Variants in GET4 observed in about 807,000 individuals in gnomAD.
GET4 encodes guided entry of tail-anchored proteins factor 4.
In GET4, 20 loss-of-function variants were observed where a neutral mutation model predicts 40.0. That is an observed-to-expected ratio of 0.50 (90% CI 0.35 to 0.73). GET4 has a LOEUF of 0.73. Among genes scored for constraint, GET4 ranks in the 30% least tolerant of loss-of-function variants. The pLI is 0.01. For missense variants in GET4, 557 were observed against 454.0 expected (o/e 1.23, Z -2.06); for synonymous variants, 280 against 194.6 (o/e 1.44, Z -3.65).
Position 876,791 on chromosome 7 carries a change from T to C in GET4, c.146T>C (p.Leu49Pro). 1 of 1,243,458 alleles carries C rather than the reference T, an allele frequency of 8.0e-7. No individual in the cohort carries two copies. The highest frequency in any genetic ancestry group is 1.0e-6 in the Non-Finnish European group (1 of 978,576). The allele number at this position is 1,243,458 out of a possible 1,614,324, so 77.0% of individuals were successfully genotyped here. A position where few individuals can be genotyped will look rare whatever the true frequency, so the allele number is the denominator to read the frequency against. The part of the protein sequence containing the change: ...YYEAHQMYRT[L>P]FFRYMSQSKH... ...GAGGCGCACCAGATGTACCGGACCCTGTTCTTCAGGTACCCGCGCCCGGCC... is the reference window on the plus strand; with the variant it reads ...GAGGCGCACCAGATGTACCGGACCCCGTTCTTCAGGTACCCGCGCCCGGCC... The change falls in exon 1 of 9, where the codon CTG becomes CCG. Residue 49 changes from leucine (L) to proline (P), a missense_variant. By Grantham distance (98) the Leu-to-Pro change is moderately conservative. Coordinates refer to ENST00000265857, the MANE Select transcript of GET4 (RefSeq NM_015949.3).
rs1036300498 is a variant in GET4, at chr7:891,786, G to T, written c.606-492G>T. Among the ~76,000 whole-genome samples the T allele has an allele frequency of 1.3e-3, 194 of 152,236 alleles. 2 individuals are homozygous for T. Among genetic ancestry groups the T allele is most frequent in the African/African-American group, 4.6e-3 (192 of 41,460 alleles). ...CGTCCGTGACTTAAGTGAAAAGCTG[G>T]GTCAAACCCAGAGCTCCCTGGCTCT... is the stretch of plus-strand genomic sequence containing the variant. On this transcript the variant is annotated intron_variant, in intron 5 of 8. Transcript: ENST00000265857.
chr7:883,568 C>T (rs1228888800), intron 1 of GET4: 7 of 983,804 alleles, frequency 7.1e-6, no homozygotes, highest in South Asian at 9.4e-5. Context: ...AGAGCACCAG[C>T]GCTCACTGGC....
chr7:884,194 G>A (rs1844142132), intron 1 of GET4: 4 of 1,302,410 alleles, frequency 3.1e-6, no homozygotes, highest in African/African-American at 1.5e-5. Context: ...TGCTTGCTCA[G>A]GGTCGGTGCA....
At chr7:892,077 C>T (rs1298358692) in intron 5 of GET4, among the ~76,000 whole-genome samples, 1 of 152,254 alleles carries the variant, frequency 6.6e-6, no homozygotes, top group Admixed American at 6.5e-5. Context: ...GCTTCATTCT[C>T]TTCACCTGTG....
chr7:886,097 T>C lies in GET4; in HGVS notation c.197T>C (p.Met66Thr), dbSNP rs761603207. Residue 66 changes from methionine (M) to threonine (T), a missense_variant, in exon 2 of 9, where the codon ATG becomes ACG. Physicochemically the swap from Met to Thr is moderately conservative, Grantham distance 81 (BLOSUM62 -1). Transcript: ENST00000265857. ...QSKHTEAREL[M>T]YSGALLFFSH... ...AAGCACACGGAGGCCCGGGAGCTCA[T>C]GTACTCGGGAGCCCTGCTCTTCTTC... is the stretch of plus-strand genomic sequence containing the variant. The C allele has an allele frequency of 1.1e-5, 17 of 1,610,318 alleles. No homozygotes were observed. The highest frequency in any genetic ancestry group is 1.4e-5 in the Non-Finnish European group (16 of 1,177,636).
At chr7:882,401 G>T (rs1009331673) in intron 1 of GET4, 3 of 152,352 alleles carry the variant, frequency 2.0e-5, no homozygotes, top group African/African-American at 7.2e-5. Context: ...TTGGATATGT[G>T]CCCCGCAGAA....
At chr7:878,083 G>C in intron 1 of GET4, 4 of 323,226 alleles carry the variant, frequency 1.2e-5, no homozygotes, top group South Asian at 9.4e-5. Context: ...CTCTGTTGAC[G>C]CCGCCCGGCC....
At chr7:891,467 C>T (rs1844320454) in intron 5 of GET4, among the ~76,000 whole-genome samples, 1 of 152,024 alleles carries the variant, frequency 6.6e-6, no homozygotes, top group African/African-American at 2.4e-5. Flanking sequence ...AGGCCAGGCT[C>T]CGGGCGCTGT....
At chr7:883,965 A>C in intron 1 of GET4, 1 of 1,067,008 alleles carries the variant, frequency 9.4e-7, no homozygotes, top group South Asian at 2.6e-5. Flanking sequence ...CCAGCTGCCC[A>C]GGGAAGAAGG....
At chr7:894,169 C>G (rs562383833) in intron 8 of GET4, among the ~76,000 whole-genome samples, 198 bp downstream of exon 8, 218 of 151,380 alleles carry the variant, frequency 1.4e-3, no homozygotes, top group Non-Finnish European at 2.2e-3. Context: ...CTCGCAGCCC[C>G]GTCTCCACTC....
chr7:895,209 G>T, intron 8 of GET4, 125 bp from the exon 9 acceptor site: 1 of 581,146 alleles, frequency 1.7e-6, no homozygotes, highest in Admixed American at 2.9e-5. Context: ...AGACAGTAGC[G>T]ATGTGAGGCT....
In GET4 at chr7:886,078, A is replaced by G; in HGVS notation, c.178A>G (p.Thr60Ala). 1.2e-6 allele frequency: 2 copies of G among 1,609,306 alleles called. No homozygotes were observed. Among genetic ancestry groups the G allele is most frequent in the Non-Finnish European group, 1.7e-6 (2 of 1,177,076 alleles). The change falls in exon 2 of 9, where the codon ACG (threonine) becomes GCG (alanine). Residue 60 changes from threonine (T) to alanine (A), a missense_variant. Thr to Ala is a moderately conservative substitution (Grantham distance 58, BLOSUM62 0). Coordinates refer to ENST00000265857, the MANE Select transcript of GET4 (RefSeq NM_015949.3). ...FFRYMSQSKH[T>A]EARELMYSGA... ...CAGGTACATGTCCCAGAGCAAGCAC[A>G]CGGAGGCCCGGGAGCTCATGTACTC...
chr7:894,956 C>A (rs953454715), intron 8 of GET4, among the ~76,000 whole-genome samples: 2 of 152,028 alleles, frequency 1.3e-5, no homozygotes, highest in African/African-American at 2.4e-5. Flanking sequence ...GCTCTACAGC[C>A]CCACTTCTCT....
At chr7:887,778 G>A (rs1263378644) in intron 4 of GET4, among the ~76,000 whole-genome samples, 1 of 152,242 alleles carries the variant, frequency 6.6e-6, no homozygotes, top group East Asian at 1.9e-4. Context: ...CAGGGAGGCA[G>A]CCGTGCCTTC....
At chr7:886,752 G>T (rs1280360112) in intron 3 of GET4, 102 bp downstream of exon 3, 2 of 794,882 alleles carry the variant, frequency 2.5e-6, no homozygotes, top group East Asian at 2.5e-5. Context: ...TGGGGGTCTT[G>T]TGTGCTGTGG....
At position 895,550 on chromosome 7, in the gene GET4, CGT is replaced by C. The variant is rs923451969; in HGVS notation, c.*131_*132del. ...GGCTGGCGGTGGCCGCATGCCGGCG[CGT>C]GTCTGTTTCTGTGCGGCGGCTCAGG... is the stretch of plus-strand genomic sequence containing the variant. On this transcript the variant is annotated 3_prime_UTR_variant, in exon 9 of 9. Transcript: ENST00000265857. 12 of 538,144 alleles carry C rather than the reference CGT, an allele frequency of 2.2e-5. No homozygotes were observed. Among genetic ancestry groups the C allele is most frequent in the African/African-American group, 1.2e-4 (6 of 51,224 alleles). 33.3% of individuals were successfully genotyped at this position (538,144 alleles called of 1,614,324 possible).
intron 8 of GET4, among the ~76,000 whole-genome samples, chr7:894,742 A>T (rs771562415): frequency 3.3e-5 from 5 of 152,198 alleles, no homozygotes; most frequent in African/African-American, 7.2e-5. Context: ...TGACACTGCC[A>T]CGGCCGTGTC....
In GET4 at chr7:884,520, G is replaced by A. The variant is rs1005080008; in HGVS notation, c.156-1536G>A. ...CTTGGGTGCGGGCTTTTCCCTCCTGGTGCCCTGCCTCTGTGCAGCACGAAG... is the reference window on the plus strand; with the variant it reads ...CTTGGGTGCGGGCTTTTCCCTCCTGATGCCCTGCCTCTGTGCAGCACGAAG... On this transcript the variant is annotated intron_variant, in intron 1 of 8. Coordinates refer to ENST00000265857, the MANE Select transcript of GET4 (RefSeq NM_015949.3). 1.2e-5 allele frequency: 5 copies of A among 406,172 alleles called. No individual in the cohort carries two copies. The East Asian group carries it at 2.2e-4, about 18-fold the overall frequency. The allele number at this position is 406,172 out of a possible 1,614,324, so 25.2% of individuals were successfully genotyped here. A position where few individuals can be genotyped will look rare whatever the true frequency, so the allele number is the denominator to read the frequency against.
Position 887,413 on chromosome 7 carries a change from T to C in GET4, c.360T>C (p.Pro120=), listed in dbSNP as rs755659994. The part of the protein sequence containing the change: ...KVFSLMDPNS[P]ERVTFVSRAL... ...TCAGCCTGATGGACCCCAACTCTCC[T>C]GAGCGCGTGACCTTTGTGTCCAGAG... The change falls in exon 4 of 9, where the codon CCT becomes CCC. Residue 120 remains proline, a synonymous_variant. Transcript: ENST00000265857. 6 of 1,603,632 alleles carry C rather than the reference T, an allele frequency of 3.7e-6. 1 individual carries two copies. The highest frequency in any genetic ancestry group is 4.5e-5 in the East Asian group (2 of 44,566).
Sources: allele counts gnomAD v4.1 joint callset (sites outside exome capture counted in the v4.1 genomes callset), GRCh38; gene constraint gnomAD v4.1.1; transcripts MANE v1.5; gene names NCBI Gene and HGNC (gene_info 2026-07-23, HGNC 2026-07-21).